SLC35G2: variants seen among roughly 807,000 people sequenced by gnomAD.
SLC35G2 encodes solute carrier family 35 member G2.
A neutral mutation model predicts 27.2 loss-of-function variants in SLC35G2; 20 were observed. The ratio of observed to expected loss-of-function variants is 0.74; its 90% CI spans 0.52 to 1.07. The LOEUF (loss-of-function observed/expected upper bound fraction) is 1.07. SLC35G2 is among the 50% of genes least tolerant of loss of function. The probability of loss-of-function intolerance (pLI) is 0.00; values close to 1 mark genes in which losing one functional copy is unlikely to be tolerated. For missense variants in SLC35G2, 416 were observed against 493.3 expected, an observed-to-expected ratio of 0.84 and a Z score of 1.48; for synonymous variants, 148 against 165.3, an observed-to-expected ratio of 0.90 and a Z score of 0.80.
Position 136,854,830 on chromosome 3 carries a change from C to T in SLC35G2, c.370C>T (p.Leu124Phe), listed in dbSNP as rs913787904. 1 of 1,614,196 alleles carries T rather than the reference C, an allele frequency of 6.2e-7. No homozygotes were observed. Among genetic ancestry groups the T allele is most frequent in the Non-Finnish European group, 8.5e-7 (1 of 1,180,036 alleles). The part of the protein sequence containing the change: ...AHGCVALITR[L>F]VSDRSKVPSL... ...TGGATGTGTAGCTCTTATCACTAGG[C>T]TTGTTTCTGATCGGTCTAAAGTTCC... Residue 124 changes from leucine (L) to phenylalanine (F), a missense_variant, in exon 2 of 2, where the codon CTT becomes TTT. Physicochemically the swap from Leu to Phe is conservative, Grantham distance 22. Coordinates refer to ENST00000446465, the MANE Select transcript of SLC35G2 (RefSeq NM_025246.3).
At position 136,854,990 on chromosome 3, in the gene SLC35G2, T is replaced by A. The variant is rs200429373; in HGVS notation, c.530T>A (p.Ile177Asn). 2.4e-5 allele frequency: 38 copies of A among 1,614,248 alleles called. No homozygotes were observed. The Admixed American group carries it at 6.3e-4, about 27-fold the overall frequency. ...TTCTTTTATGGTGTATGCAATGTCA[T>A]TTCTATCACTTGTGCTTATACATCA... ...RLFFYGVCNV[I>N]SITCAYTSFS... Residue 177 changes from isoleucine (I) to asparagine (N), a missense_variant, in exon 2 of 2, where the codon ATT (isoleucine) becomes AAT (asparagine). Physicochemically the swap from Ile to Asn is moderately radical, Grantham distance 149. Transcript: ENST00000446465.
chr3:136,841,152 G>A (rs1937080090), intron 1 of SLC35G2, among the ~76,000 whole-genome samples: 1 of 151,922 alleles, frequency 6.6e-6, no homozygotes, highest in Admixed American at 6.6e-5. Flanking sequence ...TTCTAAGCAA[G>A]AGGATGTATT....
Position 136,829,018 on chromosome 3 carries a change from A to G in SLC35G2, c.-19+9390A>G, listed in dbSNP as rs116362578. 7.9e-3 allele frequency among the ~76,000 whole-genome samples: 1,202 copies of G among 152,276 alleles called. 7 individuals carry two copies. The highest frequency in any genetic ancestry group is 0.012 in the Non-Finnish European group (821 of 68,020). The stretch of plus-strand genomic sequence containing the variant: ...AAAAAAGAAAACTAATAAAAACTCT[A>G]CACTTTAACTTTATCTCTCTGCTTT... On this transcript the variant is annotated intron_variant, in intron 1 of 1. Coordinates refer to ENST00000446465, the MANE Select transcript of SLC35G2 (RefSeq NM_025246.3).
chr3:136,835,942 T>A (rs2108006702), intron 1 of SLC35G2, among the ~76,000 whole-genome samples: 1 of 152,312 alleles, frequency 6.6e-6, no homozygotes, highest in Non-Finnish European at 1.5e-5. Context: ...CATTTCAGGC[T>A]CTTCTGGTAT....
intron 1 of SLC35G2, among the ~76,000 whole-genome samples, chr3:136,824,070 A>G (rs1936527234): frequency 6.6e-6 from 1 of 152,068 alleles, no homozygotes; most frequent in Non-Finnish European, 1.5e-5. Flanking sequence ...ATTCTGTGTC[A>G]TGGGTCTATG....
At chr3:136,845,602 AT>A (rs34810175) in intron 1 of SLC35G2, among the ~76,000 whole-genome samples, 42 of 148,772 alleles carry the variant, frequency 2.8e-4, no homozygotes, top group Admixed American at 5.4e-4. Context: ...TAAAAATTTA[AT>A]TTTTTTTTTT....
intron 1 of SLC35G2, among the ~76,000 whole-genome samples, chr3:136,840,476 C>A (rs1380302022): frequency 6.6e-6 from 1 of 151,966 alleles, no homozygotes; most frequent in Non-Finnish European, 1.5e-5. Flanking sequence ...TGTTGCCCTT[C>A]TTTTCTTTCT....
At chr3:136,827,588 C>T (rs920737243) in intron 1 of SLC35G2, among the ~76,000 whole-genome samples, 3 of 152,084 alleles carry the variant, frequency 2.0e-5, no homozygotes, top group Non-Finnish European at 2.9e-5. Context: ...TTGATGTAGG[C>T]ATTTATAGCC....
intron 1 of SLC35G2, among the ~76,000 whole-genome samples, chr3:136,823,685 T>C (rs1472144868): frequency 1.3e-5 from 2 of 152,044 alleles, no homozygotes; most frequent in Admixed American, 1.3e-4. Flanking sequence ...AACCGCCGCC[T>C]CCCAGGTTCA....
In SLC35G2 at chr3:136,854,959, C is replaced by T. The variant is rs962937778; in HGVS notation, c.499C>T (p.Arg167Ter). 4.3e-6 allele frequency: 7 copies of T among 1,614,126 alleles called. No homozygotes were observed. Among genetic ancestry groups the T allele is most frequent in the African/African-American group, 1.3e-5 (1 of 75,040 alleles). ...CTTTGGACCCAGTGGATACAGATTA[C>T]GACTCTTCTTTTATGGTGTATGCAA... ...APFGPSGYRL[R>*]LFFYGVCNVI... Residue 167 changes from arginine (R) to a stop codon, truncating the protein, a stop_gained, in exon 2 of 2, where the codon CGA becomes TGA. Transcript: ENST00000446465. LOFTEE classifies it high-confidence loss of function.
In SLC35G2 at chr3:136,854,732, A is replaced by G; in HGVS notation, c.272A>G (p.Gln91Arg). The G allele has an allele frequency of 1.2e-6, 2 of 1,614,178 alleles. No individual in the cohort carries two copies. The highest frequency in any genetic ancestry group is 1.7e-6 in the Non-Finnish European group (2 of 1,180,028). The change falls in exon 2 of 2, where the codon CAG (glutamine) becomes CGG (arginine). Residue 91 changes from glutamine to arginine, a missense_variant. Transcript: ENST00000446465. ...DPMINEIGQFQSFAEKNIFQS... is the reference protein window; with the variant it reads ...DPMINEIGQFRSFAEKNIFQS... ...ATGATCAATGAGATTGGACAATTCC[A>G]GAGCTTTGCAGAAAAAAACATTTTT...
At position 136,855,809 on chromosome 3, in the gene SLC35G2, TATATA is replaced by T. The variant is rs1937997615; in HGVS notation, c.*116_*120del. On this transcript the variant is annotated 3_prime_UTR_variant, in exon 2 of 2. Transcript: ENST00000446465. ...ATATAACTGACAGAGTGCTATAAAA[TATATA>T]ATATATACAAATGCAGAAAATTTAT... 9.1e-6 allele frequency: 7 copies of T among 770,850 alleles called. No individual in the cohort carries two copies. The highest frequency in any genetic ancestry group is 5.3e-5 in the African/African-American group (3 of 57,038). The allele number at this position is 770,850 out of a possible 1,614,324, so 47.8% of individuals were successfully genotyped here.
chr3:136,824,825 G>A (rs1936545180), intron 1 of SLC35G2, among the ~76,000 whole-genome samples: 1 of 152,066 alleles, frequency 6.6e-6, no homozygotes, highest in Admixed American at 6.6e-5. Flanking sequence ...AGGTATACAT[G>A]TGCCATGTTT....
intron 1 of SLC35G2, among the ~76,000 whole-genome samples, chr3:136,821,939 C>T (rs1252268087): frequency 6.6e-6 from 1 of 152,026 alleles, no homozygotes; most frequent in Non-Finnish European, 1.5e-5. Context: ...ACTTTGACTA[C>T]TTCATTTTTA....
At chr3:136,827,888 A>G (rs1329227872) in intron 1 of SLC35G2, among the ~76,000 whole-genome samples, 3 of 150,914 alleles carry the variant, frequency 2.0e-5, no homozygotes, top group South Asian at 4.2e-4. Context: ...GTGCAGTGGC[A>G]TGATCTCGGC....
chr3:136,837,974 C>T (rs1443222166), intron 1 of SLC35G2: 1 of 151,834 alleles, frequency 6.6e-6, no homozygotes, highest in Non-Finnish European at 1.5e-5. Context: ...ATGTATACAG[C>T]TGGGACTACA....
chr3:136,841,553 AC>A (rs1216535357), intron 1 of SLC35G2, among the ~76,000 whole-genome samples: 1 of 151,710 alleles, frequency 6.6e-6, no homozygotes, highest in African/African-American at 2.4e-5. Context: ...ACATGGAGAA[AC>A]CCCGTCTCTA....
chr3:136,836,827 T>C (rs1936885239), intron 1 of SLC35G2, among the ~76,000 whole-genome samples: 1 of 152,266 alleles, frequency 6.6e-6, no homozygotes, highest in South Asian at 2.1e-4. Flanking sequence ...ATTACTTTGC[T>C]ATATTTCTGT....
At chr3:136,848,987 C>T (rs940972923) in intron 1 of SLC35G2, among the ~76,000 whole-genome samples, 31 of 152,128 alleles carry the variant, frequency 2.0e-4, no homozygotes, top group African/African-American at 7.2e-4. Context: ...CAAGACCAGC[C>T]TGACCAGCAT....
Sources: allele counts gnomAD v4.1 joint callset (sites outside exome capture counted in the v4.1 genomes callset), GRCh38; gene constraint gnomAD v4.1.1; transcripts MANE v1.5; gene names NCBI Gene and HGNC (gene_info 2026-07-23, HGNC 2026-07-21).